FAM107B: variants seen among roughly 807,000 people sequenced by gnomAD.
The protein encoded by FAM107B is protein FAM107B.
A neutral mutation model predicts 31.5 loss-of-function variants in FAM107B; 21 were observed. That is an observed-to-expected ratio of 0.67 (90% CI 0.47 to 0.96). FAM107B has a LOEUF of 0.96. FAM107B is among the 40% of genes least tolerant of loss of function. The pLI is 0.00. For missense variants in FAM107B, 452 were observed against 377.1 expected (o/e 1.20, Z -1.64); for synonymous variants, 157 against 141.5 (o/e 1.11, Z -0.78).
intron 1 of FAM107B, among the ~76,000 whole-genome samples, chr10:14,748,873 A>G (rs972301643): frequency 2.6e-5 from 4 of 152,204 alleles, no homozygotes; most frequent in African/African-American, 7.2e-5. Flanking sequence ...ACCAGGTAAA[A>G]TTCCAGGGCC....
intron 1 of FAM107B, among the ~76,000 whole-genome samples, chr10:14,672,551 G>T (rs1854586750): frequency 6.6e-6 from 1 of 152,168 alleles, no homozygotes; most frequent in Admixed American, 6.5e-5. Context: ...ACATAGAAAA[G>T]GTACAGTAAA....
At chr10:14,583,823 T>C (rs1179299193) in intron 2 of FAM107B, among the ~76,000 whole-genome samples, 6 of 152,152 alleles carry the variant, frequency 3.9e-5, no homozygotes, top group African/African-American at 1.4e-4. Flanking sequence ...GCGAACCCTG[T>C]TGAGCGCTCT....
chr10:14,530,497 A>C lies in FAM107B; in HGVS notation c.488T>G (p.Ile163Ser), dbSNP rs1180958231. The change falls in exon 3 of 5, where the codon ATT becomes AGT. Residue 163 changes from isoleucine (I) to serine (S), a missense_variant. Coordinates refer to ENST00000181796, the MANE Select transcript of FAM107B (RefSeq NM_031453.4). The stretch of plus-strand genomic sequence containing the variant: ...AATGAGATATGAGTCCTTATGGTCA[A>C]TATCCTCAGGTGGGCTGTCTGAAAG... ...KMTSDSPPEDIDHKDSYLITR... is the reference protein window; with the variant it reads ...KMTSDSPPEDSDHKDSYLITR... 2 of 1,613,118 alleles carry C rather than the reference A, an allele frequency of 1.2e-6. No individual in the cohort carries two copies. The highest frequency in any genetic ancestry group is 2.2e-5 in the South Asian group (2 of 90,752).
At chr10:14,526,732 C>A (rs1019835549) in intron 3 of FAM107B, among the ~76,000 whole-genome samples, 3 of 152,158 alleles carry the variant, frequency 2.0e-5, no homozygotes, top group Non-Finnish European at 4.4e-5. Context: ...AATATACAAG[C>A]CAAAGAACCA....
intron 2 of FAM107B, among the ~76,000 whole-genome samples, chr10:14,629,425 A>ATTATATATT (rs1564606838): frequency 0.011 from 47 of 4,154 alleles, 2 homozygotes; most frequent in South Asian, 0.08. Context: ...TATAATATAT[A>ATTATATATT]TAATATATAT....
At chr10:14,716,983 G>A (rs549891668) in intron 1 of FAM107B, among the ~76,000 whole-genome samples, 8 of 152,060 alleles carry the variant, frequency 5.3e-5, no homozygotes, top group Non-Finnish European at 1.0e-4. Flanking sequence ...CCAGCTACTC[G>A]GGAGGCTGAG....
intron 2 of FAM107B, among the ~76,000 whole-genome samples, chr10:14,599,230 C>T (rs1041201989): frequency 1.4e-5 from 2 of 139,082 alleles, no homozygotes; most frequent in South Asian, 2.3e-4. Context: ...GGCTCAGTGT[C>T]CCCCCCCACT....
rs539209753 is a variant in FAM107B, at chr10:14,717,455, G to C, written c.412-49764C>G. The stretch of plus-strand genomic sequence containing the variant: ...GTCCAAGAACCTCAACACCAGGGAA[G>C]CGGACAGTGCAGCCCTAAGTCTGAG... On this transcript the variant is annotated intron_variant, in intron 1 of 4. Transcript: ENST00000181796. Among the ~76,000 whole-genome samples the C allele has an allele frequency of 4.5e-4, 68 of 152,322 alleles. No individual in the cohort carries two copies. In the South Asian group the frequency reaches 0.013, roughly 30 times the overall value.
intron 1 of FAM107B, among the ~76,000 whole-genome samples, chr10:14,711,706 T>C (rs147155271): frequency 0.072 from 11,005 of 152,158 alleles, 825 homozygotes; most frequent in African/African-American, 0.2. Flanking sequence ...TGCAGTGGTG[T>C]GATCTCAGCT....
intron 2 of FAM107B, among the ~76,000 whole-genome samples, chr10:14,542,261 C>T (rs977747672): frequency 2.1e-5 from 3 of 143,806 alleles, no homozygotes; most frequent in Admixed American, 1.4e-4. Flanking sequence ...TGCAGTGAGA[C>T]TCCATCTCAA....
At chr10:14,528,936 T>C (rs1846634041) in intron 3 of FAM107B, among the ~76,000 whole-genome samples, 1 of 152,230 alleles carries the variant, frequency 6.6e-6, no homozygotes, top group South Asian at 2.1e-4. Flanking sequence ...TAGATTTTCC[T>C]AGAAGAAAAA....
At chr10:14,767,430 T>C (rs1833207036) in intron 1 of FAM107B, among the ~76,000 whole-genome samples, 1 of 151,818 alleles carries the variant, frequency 6.6e-6, no homozygotes, top group Admixed American at 6.6e-5. Flanking sequence ...AACAAAATAC[T>C]AGCAAACAGA....
intron 2 of FAM107B, among the ~76,000 whole-genome samples, chr10:14,571,494 C>A (rs1851221663): frequency 1.3e-5 from 2 of 152,132 alleles, no homozygotes; most frequent in African/African-American, 2.4e-5. Context: ...TAAAAGGCGA[C>A]TCATCCAGAG....
chr10:14,700,597 T>G (rs1004555091), intron 1 of FAM107B, among the ~76,000 whole-genome samples: 1 of 152,086 alleles, frequency 6.6e-6, no homozygotes, highest in Non-Finnish European at 1.5e-5. Flanking sequence ...AAGCCCAGCC[T>G]GTGCCCCTGC....
At chr10:14,755,753 A>G (rs1832918008) in intron 1 of FAM107B, among the ~76,000 whole-genome samples, 1 of 152,232 alleles carries the variant, frequency 6.6e-6, no homozygotes, top group South Asian at 2.1e-4. Flanking sequence ...TGAGGAAAGA[A>G]CTCAGGACAC....
chr10:14,707,277 T>C (rs1362192537), intron 1 of FAM107B, among the ~76,000 whole-genome samples: 2 of 152,202 alleles, frequency 1.3e-5, no homozygotes, highest in African/African-American at 4.8e-5. Context: ...CTAGCTCTGA[T>C]TCAATCAGTG....
chr10:14,629,437 AT>A (rs373541728), intron 2 of FAM107B, among the ~76,000 whole-genome samples: 1 of 7,872 alleles, frequency 1.3e-4, no homozygotes, highest in African/African-American at 6.8e-4. Flanking sequence ...AATATATATT[AT>A]ATATATATTA....
chr10:14,767,299 C>T (rs1162087691), intron 1 of FAM107B, among the ~76,000 whole-genome samples: 5 of 151,210 alleles, frequency 3.3e-5, no homozygotes, highest in East Asian at 3.9e-4. Context: ...ACCATGCTGG[C>T]CAGGCTGGTC....
intron 2 of FAM107B, among the ~76,000 whole-genome samples, chr10:14,595,351 T>C (rs756331016): frequency 3.1e-4 from 47 of 151,444 alleles, no homozygotes; most frequent in Non-Finnish European, 3.5e-4. Context: ...GCAAAAATGA[T>C]TGAAAACGCA....
Sources: gnomAD v4.1 joint callset for allele counts (sites outside exome capture counted in the v4.1 genomes callset) on GRCh38, gnomAD v4.1.1 for gene constraint, MANE v1.5 for transcripts, NCBI Gene and HGNC (gene_info 2026-07-23, HGNC 2026-07-21) for gene names.